Variants in IMMP2L observed in about 807,000 individuals in gnomAD.
The protein encoded by IMMP2L is mitochondrial inner membrane protease subunit 2.
IMMP2L carries 18 observed loss-of-function variants against 19.3 expected under a neutral mutation model. That is an observed-to-expected ratio of 0.93 (90% CI 0.64 to 1.38). IMMP2L has a LOEUF of 1.38. IMMP2L is among the 40% of genes most tolerant of loss of function. The pLI is 0.00. For missense variants in IMMP2L, 233 were observed against 218.2 expected, an observed-to-expected ratio of 1.07 and a Z score of -0.43; for synonymous variants, 76 against 73.0, an observed-to-expected ratio of 1.04 and a Z score of -0.21.
chr7:111,289,708 G>GT (rs1820881877), intron 3 of IMMP2L, among the ~76,000 whole-genome samples: 1 of 151,922 alleles, frequency 6.6e-6, no homozygotes, highest in Non-Finnish European at 1.5e-5. Flanking sequence ...GTTTTGTTTT[G>GT]TTTTTTAAGA....
chr7:110,897,777 A>G (rs1811470987), intron 4 of IMMP2L, among the ~76,000 whole-genome samples: 1 of 152,184 alleles, frequency 6.6e-6, no homozygotes, highest in South Asian at 2.1e-4. Context: ...AGAGCCATCA[A>G]TTAACTTCAG....
At chr7:111,392,194 C>A (rs1307921045) in intron 3 of IMMP2L, among the ~76,000 whole-genome samples, 1 of 152,060 alleles carries the variant, frequency 6.6e-6, no homozygotes, top group African/African-American at 2.4e-5. Flanking sequence ...TTTTAAGCAC[C>A]CTTCCAATGG....
Position 111,273,310 on chromosome 7 carries a change from G to A in IMMP2L, c.239+213928C>T, listed in dbSNP as rs115133222. Among the ~76,000 whole-genome samples, 438 of 151,926 alleles carry A rather than the reference G, an allele frequency of 2.9e-3. 2 individuals are homozygous for A. Among genetic ancestry groups the A allele is most frequent in the African/African-American group, 9.8e-3 (406 of 41,444 alleles). On this transcript the variant is annotated intron_variant, in intron 3 of 5. Coordinates refer to ENST00000405709, the MANE Select transcript of IMMP2L (RefSeq NM_032549.4). ...AATATATACATACCTCAGCAATGCC[G>A]AAACATTACTGGAACACTGAGGTAT...
At chr7:110,761,613 T>C (rs1319810871) in intron 5 of IMMP2L, among the ~76,000 whole-genome samples, 1 of 152,162 alleles carries the variant, frequency 6.6e-6, no homozygotes, top group Non-Finnish European at 1.5e-5. Context: ...TATCAGATGC[T>C]TACTGTAGGC....
intron 3 of IMMP2L, among the ~76,000 whole-genome samples, chr7:110,972,276 C>G (rs1447003481): frequency 6.6e-6 from 1 of 152,016 alleles, no homozygotes; most frequent in Non-Finnish European, 1.5e-5. Context: ...ACTCATTCAG[C>G]TAGCTCCAGT....
chr7:111,507,596 G>GC (rs1011280112), intron 2 of IMMP2L, among the ~76,000 whole-genome samples: 13 of 152,086 alleles, frequency 8.5e-5, no homozygotes, highest in African/African-American at 3.1e-4. Context: ...CACATTACCA[G>GC]CCCCAAACTG....
chr7:111,384,003 G>A (rs919775435), intron 3 of IMMP2L, among the ~76,000 whole-genome samples: 1 of 152,064 alleles, frequency 6.6e-6, no homozygotes, highest in Non-Finnish European at 1.5e-5. Context: ...TCCCAGCCAG[G>A]TGAGGTGGCT....
At chr7:111,069,802 T>C (rs769749871) in intron 3 of IMMP2L, among the ~76,000 whole-genome samples, 15 of 152,122 alleles carry the variant, frequency 9.9e-5, no homozygotes, top group Non-Finnish European at 2.2e-4. Context: ...TACAAAAAAA[T>C]TGACCCCCAG....
At chr7:110,983,613 T>A (rs960762364) in intron 3 of IMMP2L, among the ~76,000 whole-genome samples, 1 of 152,050 alleles carries the variant, frequency 6.6e-6, no homozygotes, top group Non-Finnish European at 1.5e-5. Context: ...TTTATTGGAT[T>A]CTACCTGTTT....
intron 3 of IMMP2L, among the ~76,000 whole-genome samples, chr7:111,226,286 T>C (rs535315612): frequency 2.0e-5 from 3 of 152,166 alleles, no homozygotes; most frequent in East Asian, 1.9e-4. Context: ...CCTCGGTAGC[T>C]TGGACTACAG....
intron 5 of IMMP2L, among the ~76,000 whole-genome samples, chr7:110,837,831 G>A (rs1804658203): frequency 6.6e-6 from 1 of 152,122 alleles, no homozygotes; most frequent in Non-Finnish European, 1.5e-5. Context: ...TCCTAACCGG[G>A]AATCCCAGCA....
chr7:111,520,470 C>T (rs1846230387), intron 2 of IMMP2L, among the ~76,000 whole-genome samples: 1 of 152,032 alleles, frequency 6.6e-6, no homozygotes, highest in African/African-American at 2.4e-5. Context: ...CAAACTAATT[C>T]TAACTCCTTA....
At position 110,938,787 on chromosome 7, in the gene IMMP2L, A is replaced by G. The variant is rs1270593742; in HGVS notation, c.305+24713T>C. On this transcript the variant is annotated intron_variant, in intron 4 of 5. Coordinates refer to ENST00000405709, the MANE Select transcript of IMMP2L (RefSeq NM_032549.4). Reference sequence around the variant, plus strand: ...TTAATGGTCACCTAAGGGGAAGAATATCGTTAAATGTAATATGCAGTTCCT... The same window carrying G: ...TTAATGGTCACCTAAGGGGAAGAATGTCGTTAAATGTAATATGCAGTTCCT... 2.0e-5 allele frequency among the ~76,000 whole-genome samples: 3 copies of G among 152,288 alleles called. No homozygotes were observed. In the East Asian group the frequency reaches 5.8e-4, roughly 29 times the overall value.
intron 3 of IMMP2L, among the ~76,000 whole-genome samples, chr7:111,044,176 A>C (rs544438132): frequency 4.1e-4 from 63 of 152,348 alleles, no homozygotes; most frequent in African/African-American, 1.5e-3. Flanking sequence ...ATAGAGTCTC[A>C]CCTTCATATA....
At chr7:110,764,101 G>T (rs1406602488) in intron 5 of IMMP2L, among the ~76,000 whole-genome samples, 3 of 152,052 alleles carry the variant, frequency 2.0e-5, no homozygotes, top group Non-Finnish European at 4.4e-5. Flanking sequence ...AAATAATAAA[G>T]AAATGAAAAC....
At chr7:110,706,148 G>A (rs1365319818) in intron 5 of IMMP2L, among the ~76,000 whole-genome samples, 1 of 152,114 alleles carries the variant, frequency 6.6e-6, no homozygotes, top group Non-Finnish European at 1.5e-5. Context: ...TGTCATTTAA[G>A]CTGGAGTGCA....
chr7:111,519,108 C>G (rs1846122055), intron 2 of IMMP2L, among the ~76,000 whole-genome samples: 1 of 152,092 alleles, frequency 6.6e-6, no homozygotes, highest in Non-Finnish European at 1.5e-5. Flanking sequence ...CAGTCCTTCC[C>G]CAAGATATTC....
intron 5 of IMMP2L, among the ~76,000 whole-genome samples, chr7:110,806,444 T>G (rs536163169): frequency 2.8e-4 from 42 of 152,134 alleles, no homozygotes; most frequent in African/African-American, 9.1e-4. Context: ...AAGATAGCAT[T>G]AAACTGATTA....
At chr7:111,186,535 T>A (rs1042107804) in intron 3 of IMMP2L, among the ~76,000 whole-genome samples, 2 of 152,062 alleles carry the variant, frequency 1.3e-5, no homozygotes, top group Non-Finnish European at 2.9e-5. Flanking sequence ...TTCCAGCGAT[T>A]CTCCTGCTTC....
Sources: gnomAD v4.1 joint callset for allele counts (sites outside exome capture counted in the v4.1 genomes callset) on GRCh38, gnomAD v4.1.1 for gene constraint, MANE v1.5 for transcripts, NCBI Gene and HGNC (gene_info 2026-07-23, HGNC 2026-07-21) for gene names.